Variants in FAM13C observed in about 807,000 individuals in gnomAD.
The protein encoded by FAM13C is protein FAM13C.
In FAM13C, 37 loss-of-function variants were observed where a neutral mutation model predicts 73.2. That is an observed-to-expected ratio of 0.51 (90% CI 0.39 to 0.67). FAM13C has a LOEUF of 0.67. Among genes scored for constraint, FAM13C ranks in the 30% least tolerant of loss-of-function variants. FAM13C has a pLI of 0.00. For missense variants in FAM13C, 589 were observed against 715.6 expected, an observed-to-expected ratio of 0.82 and a Z score of 2.02; for synonymous variants, 246 against 260.9, an observed-to-expected ratio of 0.94 and a Z score of 0.55.
At chr10:59,355,744 A>G in intron 2 of FAM13C, 143 bp downstream of exon 2, 1 of 816,678 alleles carries the variant, frequency 1.2e-6, no homozygotes, top group East Asian at 2.6e-5. Flanking sequence ...AATTTTGTCA[A>G]GAGGTAAAAA....
chr10:59,255,359 C>G (rs2133395780), intron 10 of FAM13C, among the ~76,000 whole-genome samples: 1 of 152,268 alleles, frequency 6.6e-6, no homozygotes, highest in East Asian at 1.9e-4. Flanking sequence ...AGACCCATCC[C>G]TAAGCACTAT....
At chr10:59,306,971 TG>T (rs1848328514) in intron 4 of FAM13C, among the ~76,000 whole-genome samples, 1 of 152,058 alleles carries the variant, frequency 6.6e-6, no homozygotes, top group African/African-American at 2.4e-5. Context: ...CAAGAAGTCT[TG>T]GGTGTGGATT....
At chr10:59,317,147 TG>T (rs1849634349) in intron 4 of FAM13C, among the ~76,000 whole-genome samples, 2 of 151,830 alleles carry the variant, frequency 1.3e-5, no homozygotes, top group Non-Finnish European at 1.5e-5. Context: ...TGTGTGTGTG[TG>T]TGTGTGTAGT....
At chr10:59,352,183 A>G (rs1222809365) in intron 3 of FAM13C, 87 bp downstream of exon 3, 2 of 1,468,990 alleles carry the variant, frequency 1.4e-6, no homozygotes, top group East Asian at 4.5e-5. Flanking sequence ...CCCGCAAAAC[A>G]GTGCGCTCAA....
At chr10:59,353,311 T>G (rs1855312535) in intron 2 of FAM13C, among the ~76,000 whole-genome samples, 1 of 152,196 alleles carries the variant, frequency 6.6e-6, no homozygotes, top group Non-Finnish European at 1.5e-5. Context: ...TAAATCTAGA[T>G]GCATTTTATT....
chr10:59,262,274 C>A (rs895458548), intron 10 of FAM13C, among the ~76,000 whole-genome samples, 160 bp downstream of exon 10: 1 of 152,154 alleles, frequency 6.6e-6, no homozygotes, highest in African/African-American at 2.4e-5. Context: ...TGTGGCACTA[C>A]TGCTCGTGGC....
intron 4 of FAM13C, among the ~76,000 whole-genome samples, chr10:59,313,276 A>G (rs1849150935): frequency 6.6e-6 from 1 of 152,210 alleles, no homozygotes; most frequent in African/African-American, 2.4e-5. Context: ...AATAGCCTTC[A>G]TTTAGATTCC....
chr10:59,266,542 C>A (rs926221779), intron 8 of FAM13C, among the ~76,000 whole-genome samples: 1 of 152,158 alleles, frequency 6.6e-6, no homozygotes, highest in Non-Finnish European at 1.5e-5. Flanking sequence ...GAAGGAAAAG[C>A]GTTTCCTGAG....
intron 4 of FAM13C, among the ~76,000 whole-genome samples, chr10:59,313,649 G>A (rs1849197404): frequency 1.3e-5 from 2 of 152,200 alleles, no homozygotes; most frequent in Non-Finnish European, 2.9e-5. Context: ...GGTATGCATA[G>A]TTTTTGGTTC....
intron 4 of FAM13C, among the ~76,000 whole-genome samples, chr10:59,308,538 C>G (rs991829387): frequency 6.7e-6 from 1 of 148,680 alleles, no homozygotes; most frequent in South Asian, 2.1e-4. Flanking sequence ...CCCATCATCA[C>G]CCCCACCACC....
intron 3 of FAM13C, among the ~76,000 whole-genome samples, chr10:59,326,036 T>G (rs878928958): frequency 5.3e-5 from 8 of 152,120 alleles, no homozygotes; most frequent in Non-Finnish European, 2.9e-5. Flanking sequence ...GAAAGAGTAC[T>G]GTTTGATTTT....
At chr10:59,328,354 G>C (rs1473661936) in intron 3 of FAM13C, among the ~76,000 whole-genome samples, 1 of 152,176 alleles carries the variant, frequency 6.6e-6, no homozygotes, top group Non-Finnish European at 1.5e-5. Context: ...ATGATATTTT[G>C]TTCTCATTGC....
chr10:59,279,463 G>GA (rs1844688462), intron 6 of FAM13C, among the ~76,000 whole-genome samples: 1 of 152,132 alleles, frequency 6.6e-6, no homozygotes, highest in African/African-American at 2.4e-5. Flanking sequence ...TGAAGATCAA[G>GA]ATTTTAGAAA....
intron 5 of FAM13C, among the ~76,000 whole-genome samples, chr10:59,292,366 AT>A (rs1344052390): frequency 2.0e-5 from 3 of 152,188 alleles, no homozygotes; most frequent in Non-Finnish European, 4.4e-5. Flanking sequence ...CTTTGTTTCC[AT>A]TTATTTTAGA....
intron 6 of FAM13C, among the ~76,000 whole-genome samples, chr10:59,271,045 A>G (rs911001788): frequency 5.3e-5 from 8 of 152,242 alleles, no homozygotes; most frequent in Middle Eastern, 3.4e-3. Flanking sequence ...TCATTAGGAA[A>G]CTGAGTCAGG....
At chr10:59,306,638 G>A (rs1352765240) in intron 4 of FAM13C, among the ~76,000 whole-genome samples, 2 of 152,194 alleles carry the variant, frequency 1.3e-5, no homozygotes, top group Non-Finnish European at 2.9e-5. Context: ...CATTTAGGGA[G>A]GCCAAGGCAG....
At chr10:59,283,263 G>T in intron 6 of FAM13C, 100 bp downstream of exon 6, 1 of 1,246,716 alleles carries the variant, frequency 8.0e-7, no homozygotes, top group Non-Finnish European at 1.2e-6. Context: ...GTTGCCCCAG[G>T]CACTGTTTTC....
At chr10:59,267,352 G>A (rs955658040) in intron 8 of FAM13C, among the ~76,000 whole-genome samples, 3 of 152,092 alleles carry the variant, frequency 2.0e-5, no homozygotes, top group East Asian at 1.9e-4. Context: ...CCCAAGTTGC[G>A]ACCTGATAGA....
chr10:59,322,479 T>C (rs1408677740), intron 4 of FAM13C, among the ~76,000 whole-genome samples: 2 of 152,112 alleles, frequency 1.3e-5, no homozygotes, highest in East Asian at 1.9e-4. Flanking sequence ...TAGGATCCTA[T>C]GAAGGTTTGC....
Sources: allele counts gnomAD v4.1 joint callset (sites outside exome capture counted in the v4.1 genomes callset), GRCh38; gene constraint gnomAD v4.1.1; transcripts MANE v1.5; gene names NCBI Gene and HGNC (gene_info 2026-07-23, HGNC 2026-07-21).